The following DPP10 variants were observed in gnomAD, a reference collection of about 807,000 sequenced individuals.
DPP10 encodes the protein inactive dipeptidyl peptidase 10.
Under a neutral mutation model 120.9 loss-of-function variants are expected in DPP10, and 33 were observed. The observed-to-expected ratio is 0.27, with a 90% CI of 0.21 to 0.37. The LOEUF is 0.37. Among genes scored for constraint, DPP10 ranks in the 10% least tolerant of loss-of-function variants. DPP10 has a pLI of 1.00. For missense variants in DPP10, 816 were observed against 942.8 expected, an observed-to-expected ratio of 0.87 and a Z score of 1.76; for synonymous variants, 337 against 326.1, an observed-to-expected ratio of 1.03 and a Z score of -0.36.
Position 114,693,602 on chromosome 2 carries a change from T to A in DPP10, c.60+250764T>A, listed in dbSNP as rs182186690. 1.2e-3 allele frequency among the ~76,000 whole-genome samples: 188 copies of A among 152,070 alleles called. 1 individual carries two copies. Among genetic ancestry groups the A allele is most frequent in the Non-Finnish European group, 1.5e-3 (105 of 67,924 alleles). On this transcript the variant is annotated intron_variant, in intron 1 of 25. Coordinates refer to ENST00000410059, the MANE Select transcript of DPP10 (RefSeq NM_020868.6). ...AGTATCCTACTGGAGTTCTCTGAAT[T>A]TCCTGAATTTAAATGTTGGCCTGTC...
chr2:115,811,844 A>G (rs942165150), intron 19 of DPP10, among the ~76,000 whole-genome samples: 2 of 152,316 alleles, frequency 1.3e-5, no homozygotes, highest in Non-Finnish European at 2.9e-5. Context: ...TGCTTTATCC[A>G]TAGATATTGT....
chr2:114,968,566 C>A (rs553532066), intron 1 of DPP10, among the ~76,000 whole-genome samples: 1 of 152,210 alleles, frequency 6.6e-6, no homozygotes, highest in South Asian at 2.1e-4. Flanking sequence ...CATTTAGATG[C>A]TCTGCCATGT....
At chr2:115,822,082 A>T (rs1687873776) in intron 21 of DPP10, among the ~76,000 whole-genome samples, 1 of 151,916 alleles carries the variant, frequency 6.6e-6, no homozygotes, top group Non-Finnish European at 1.5e-5. Context: ...GAATAGTGGG[A>T]TTTATTTTAT....
At chr2:115,409,079 C>T (rs902932126) in intron 3 of DPP10, among the ~76,000 whole-genome samples, 6 of 151,626 alleles carry the variant, frequency 4.0e-5, no homozygotes, top group Non-Finnish European at 2.9e-5. Flanking sequence ...ATTAGATTGA[C>T]CAAGAAATAA....
chr2:115,442,241 G>A (rs1406656234), intron 3 of DPP10, among the ~76,000 whole-genome samples: 1 of 152,010 alleles, frequency 6.6e-6, no homozygotes, highest in Non-Finnish European at 1.5e-5. Context: ...TAGGCCCAAA[G>A]CTCACTGGCT....
intron 19 of DPP10, 89 bp downstream of exon 19, chr2:115,791,445 G>C: frequency 8.5e-7 from 1 of 1,182,468 alleles, no homozygotes; most frequent in Non-Finnish European, 1.2e-6. Context: ...CAATAAAGAA[G>C]AGAAGTCCTA....
At chr2:114,516,783 G>A (rs527264757) in intron 1 of DPP10, among the ~76,000 whole-genome samples, 1 of 152,260 alleles carries the variant, frequency 6.6e-6, no homozygotes, top group African/African-American at 2.4e-5. Flanking sequence ...ATGGACTGGA[G>A]CTGTTTTCTG....
intron 1 of DPP10, among the ~76,000 whole-genome samples, chr2:114,636,731 G>A (rs1695329590): frequency 6.6e-6 from 1 of 151,832 alleles, no homozygotes; most frequent in Admixed American, 6.6e-5. Context: ...CTGAGAATTT[G>A]GGGTACTATG....
chr2:114,553,767 G>A (rs1688070467), intron 1 of DPP10, among the ~76,000 whole-genome samples: 1 of 151,794 alleles, frequency 6.6e-6, no homozygotes, highest in African/African-American at 2.4e-5. Flanking sequence ...AAATAGGTTT[G>A]TTCAAGAAAA....
intron 1 of DPP10, among the ~76,000 whole-genome samples, chr2:114,970,509 A>C (rs1191309637): frequency 6.6e-6 from 1 of 151,660 alleles, no homozygotes; most frequent in African/African-American, 2.4e-5. Flanking sequence ...ATAGGGACAC[A>C]TCATATGCAG....
chr2:115,107,146 CA>C (rs2048988243), intron 1 of DPP10, among the ~76,000 whole-genome samples: 1 of 151,252 alleles, frequency 6.6e-6, no homozygotes, highest in African/African-American at 2.4e-5. Context: ...ATCATAACTT[CA>C]ACCACGGTAT....
chr2:114,516,052 C>T (rs1309159715), intron 1 of DPP10, among the ~76,000 whole-genome samples: 1 of 152,164 alleles, frequency 6.6e-6, no homozygotes, highest in Non-Finnish European at 1.5e-5. Context: ...GCCTGCTGGG[C>T]CCCACCCTCC....
chr2:115,772,501 A>G (rs1681596238), intron 13 of DPP10, among the ~76,000 whole-genome samples: 1 of 152,166 alleles, frequency 6.6e-6, no homozygotes, highest in African/African-American at 2.4e-5. Flanking sequence ...ATTAAAGAAA[A>G]TATTAAATAA....
At chr2:114,971,794 TC>T (rs1699415707) in intron 1 of DPP10, among the ~76,000 whole-genome samples, 1 of 152,202 alleles carries the variant, frequency 6.6e-6, no homozygotes. Flanking sequence ...AAGATAACGA[TC>T]AACCTTTAAA....
At chr2:115,427,479 TATG>T (rs1303135899) in intron 3 of DPP10, among the ~76,000 whole-genome samples, 1 of 152,182 alleles carries the variant, frequency 6.6e-6, no homozygotes, top group Non-Finnish European at 1.5e-5. Flanking sequence ...CACCAAGGCT[TATG>T]GTGGCTTATG....
chr2:114,517,226 G>C (rs1428908525), intron 1 of DPP10, among the ~76,000 whole-genome samples: 2 of 152,062 alleles, frequency 1.3e-5, no homozygotes, highest in Non-Finnish European at 2.9e-5. Context: ...TTTCTATTAA[G>C]AAATCAGGGT....
chr2:115,630,687 T>A (rs1055119955), intron 5 of DPP10, among the ~76,000 whole-genome samples: 1 of 152,238 alleles, frequency 6.6e-6, no homozygotes, highest in Non-Finnish European at 1.5e-5. Flanking sequence ...TTTAGTTCTG[T>A]TTATGTGATG....
At chr2:115,691,874 CTT>C (rs1220860890) in intron 7 of DPP10, among the ~76,000 whole-genome samples, 3 of 152,126 alleles carry the variant, frequency 2.0e-5, no homozygotes, top group East Asian at 1.9e-4. Flanking sequence ...AAAATTTACA[CTT>C]TATCATTTTG....
chr2:114,896,947 C>G (rs1024927227), intron 1 of DPP10, among the ~76,000 whole-genome samples: 3 of 152,106 alleles, frequency 2.0e-5, no homozygotes, highest in Non-Finnish European at 4.4e-5. Flanking sequence ...TAGCATGAAG[C>G]GTTGTTGAAT....
Sources: allele counts gnomAD v4.1 joint callset (sites outside exome capture counted in the v4.1 genomes callset), GRCh38; gene constraint gnomAD v4.1.1; transcripts MANE v1.5; gene names NCBI Gene and HGNC (gene_info 2026-07-23, HGNC 2026-07-21).